Variants in CSMD1 observed in about 807,000 individuals in gnomAD.
The protein encoded by CSMD1 is CUB and sushi domain-containing protein 1.
Under a neutral mutation model 417.5 loss-of-function variants are expected in CSMD1, and 213 were observed. That is an observed-to-expected ratio of 0.51 (90% CI 0.46 to 0.57). The LOEUF is 0.57. Among genes scored for constraint, CSMD1 ranks in the 20% least tolerant of loss-of-function variants. The probability of loss-of-function intolerance (pLI) is 0.00; values close to 1 mark genes in which losing one functional copy is unlikely to be tolerated. For synonymous variants in CSMD1, 2,862 were observed against 1,736.8 expected, an observed-to-expected ratio of 1.65 and a Z score of -16.11; for missense variants, 6,923 against 4,529.7, an observed-to-expected ratio of 1.53 and a Z score of -15.17.
At chr8:3,875,974 G>A (rs10216780) in intron 5 of CSMD1, among the ~76,000 whole-genome samples, 15 of 150,836 alleles carry the variant, frequency 9.9e-5, no homozygotes, top group South Asian at 2.1e-4. Context: ...GTAAAATTGC[G>A]AAGGGCCACA....
At chr8:4,652,242 A>G (rs1444116110) in intron 1 of CSMD1, among the ~76,000 whole-genome samples, 1 of 152,230 alleles carries the variant, frequency 6.6e-6, no homozygotes, top group Non-Finnish European at 1.5e-5. Flanking sequence ...ATTGGGGAAA[A>G]TGATGTCAGA....
intron 25 of CSMD1, among the ~76,000 whole-genome samples, chr8:3,292,803 ATT>A (rs1185843521): frequency 1.3e-5 from 2 of 151,474 alleles, no homozygotes; most frequent in South Asian, 2.1e-4. Context: ...CTGTCTTTTA[ATT>A]GGAGCATTTA....
At chr8:4,337,251 C>A (rs1800225287) in intron 3 of CSMD1, among the ~76,000 whole-genome samples, 1 of 152,084 alleles carries the variant, frequency 6.6e-6, no homozygotes, top group South Asian at 2.1e-4. Context: ...CCTGATAAAA[C>A]ATAGCATCAT....
chr8:4,263,285 G>T (rs1804010710), intron 3 of CSMD1, among the ~76,000 whole-genome samples: 1 of 152,062 alleles, frequency 6.6e-6, no homozygotes, highest in Non-Finnish European at 1.5e-5. Context: ...AAACAAAAAT[G>T]TACGGTACAG....
chr8:4,771,411 C>A (rs1341245443), intron 1 of CSMD1, among the ~76,000 whole-genome samples: 1 of 152,220 alleles, frequency 6.6e-6, no homozygotes, highest in African/African-American at 2.4e-5. Context: ...GCTTGCATTC[C>A]ATTTTAAAAT....
intron 10 of CSMD1, among the ~76,000 whole-genome samples, chr8:3,521,381 C>T (rs1325679084): frequency 1.3e-5 from 2 of 152,128 alleles, no homozygotes; most frequent in Non-Finnish European, 2.9e-5. Context: ...GCCCTGTTGT[C>T]TTCCCAGCAA....
intron 36 of CSMD1, among the ~76,000 whole-genome samples, chr8:3,184,473 T>C (rs536617551): frequency 2.0e-5 from 3 of 152,320 alleles, no homozygotes; most frequent in African/African-American, 7.2e-5. Context: ...AGCTTTAATC[T>C]GTCTTCAGTT....
At chr8:4,532,525 G>C (rs1310296633) in intron 2 of CSMD1, among the ~76,000 whole-genome samples, 3 of 134,232 alleles carry the variant, frequency 2.2e-5, no homozygotes, top group Admixed American at 7.7e-5. Context: ...CACTCCGGAA[G>C]AGAAATCCTG....
At chr8:4,248,799 A>G (rs1802867039) in intron 3 of CSMD1, among the ~76,000 whole-genome samples, 1 of 152,126 alleles carries the variant, frequency 6.6e-6, no homozygotes, top group African/African-American at 2.4e-5. Flanking sequence ...CTGAATGGAA[A>G]AATCTTTGCC....
chr8:3,274,230 G>A (rs1403167651), intron 26 of CSMD1, among the ~76,000 whole-genome samples: 2 of 151,752 alleles, frequency 1.3e-5, no homozygotes, highest in African/African-American at 4.8e-5. Context: ...CCATGTAGTT[G>A]AGCGGTTTTG....
chr8:3,588,159 A>G (rs572354148), intron 8 of CSMD1, among the ~76,000 whole-genome samples: 1 of 152,034 alleles, frequency 6.6e-6, no homozygotes, highest in African/African-American at 2.4e-5. Flanking sequence ...CTACATTTTA[A>G]TATTCATAGT....
intron 1 of CSMD1, among the ~76,000 whole-genome samples, chr8:4,641,650 G>A (rs1444950355): frequency 6.6e-6 from 1 of 152,132 alleles, no homozygotes; most frequent in Non-Finnish European, 1.5e-5. Flanking sequence ...ACCAAACCCA[G>A]TTATATCTCC....
intron 10 of CSMD1, among the ~76,000 whole-genome samples, chr8:3,497,604 A>T (rs1202874392): frequency 6.6e-6 from 1 of 152,156 alleles, no homozygotes; most frequent in Non-Finnish European, 1.5e-5. Flanking sequence ...TTATCTGATA[A>T]AAGTATGGCT....
intron 10 of CSMD1, among the ~76,000 whole-genome samples, chr8:3,555,067 G>A (rs972659095): frequency 3.3e-5 from 5 of 152,096 alleles, no homozygotes; most frequent in African/African-American, 1.2e-4. Flanking sequence ...TAAGGAGCCA[G>A]GAGAGCCCTC....
At chr8:3,577,109 T>A (rs996353144) in intron 9 of CSMD1, among the ~76,000 whole-genome samples, 3 of 152,196 alleles carry the variant, frequency 2.0e-5, no homozygotes, top group African/African-American at 4.8e-5. Flanking sequence ...TTGGCCCAGA[T>A]GTTCCCAGCC....
Position 4,791,034 on chromosome 8 carries a change from G to C in CSMD1, c.86-153476C>G, listed in dbSNP as rs537500278. 3.9e-5 allele frequency among the ~76,000 whole-genome samples: 6 copies of C among 152,242 alleles called. No homozygotes were observed. In the South Asian group the frequency reaches 1.2e-3, roughly 32 times the overall value. ...CACTGCAAAATAAACTATCAGGAGA[G>C]TAAATGGGAAACACAAGCTAGTAGG... On this transcript the variant is annotated intron_variant, in intron 1 of 69. Transcript: ENST00000635120.
intron 7 of CSMD1, among the ~76,000 whole-genome samples, chr8:3,650,654 T>A (rs992898907): frequency 6.6e-6 from 1 of 152,210 alleles, no homozygotes; most frequent in Non-Finnish European, 1.5e-5. Context: ...AACACTACCA[T>A]CACGCTATGA....
intron 3 of CSMD1, among the ~76,000 whole-genome samples, chr8:4,154,547 T>C (rs1430075172): frequency 1.3e-5 from 2 of 152,170 alleles, no homozygotes; most frequent in African/African-American, 4.8e-5. Context: ...GCCAGGACAC[T>C]ATGCTTCTAA....
intron 15 of CSMD1, among the ~76,000 whole-genome samples, chr8:3,401,472 C>T (rs1257811274): frequency 6.6e-6 from 1 of 152,106 alleles, no homozygotes; most frequent in Non-Finnish European, 1.5e-5. Context: ...TTAATAATAA[C>T]ACTGCCGATG....
Sources: gnomAD v4.1 joint callset for allele counts (sites outside exome capture counted in the v4.1 genomes callset) on GRCh38, gnomAD v4.1.1 for gene constraint, MANE v1.5 for transcripts, NCBI Gene and HGNC (gene_info 2026-07-23, HGNC 2026-07-21) for gene names.